RGS7: variants seen among roughly 807,000 people sequenced by gnomAD.
RGS7 encodes the protein regulator of G-protein signaling 7.
RGS7 carries 27 observed loss-of-function variants against 81.1 expected under a neutral mutation model. The observed-to-expected ratio is 0.33, with a 90% CI of 0.25 to 0.46. The LOEUF is 0.46. RGS7 is among the 20% of genes least tolerant of loss of function. RGS7 has a pLI of 1.00. For synonymous variants in RGS7, 208 were observed against 207.7 expected (o/e 1.00, Z -0.01); for missense variants, 396 against 607.4 (o/e 0.65, Z 3.66).
At chr1:241,053,277 C>T (rs1037255453) in intron 3 of RGS7, among the ~76,000 whole-genome samples, 1 of 152,140 alleles carries the variant, frequency 6.6e-6, no homozygotes, top group Non-Finnish European at 1.5e-5. Context: ...AGAGGTTATT[C>T]TGAACAGACA....
chr1:240,991,516 T>C (rs1254721905), intron 3 of RGS7, among the ~76,000 whole-genome samples: 1 of 152,158 alleles, frequency 6.6e-6, no homozygotes, highest in African/African-American at 2.4e-5. Context: ...GTGTGGGAAA[T>C]GCGGAGTTAA....
At chr1:241,246,242 G>A (rs2076535220) in intron 2 of RGS7, among the ~76,000 whole-genome samples, 1 of 152,124 alleles carries the variant, frequency 6.6e-6, no homozygotes, top group African/African-American at 2.4e-5. Context: ...AAGGTATGTA[G>A]GCCACAGAGT....
At chr1:240,811,193 A>C (rs1239738793) in intron 14 of RGS7, among the ~76,000 whole-genome samples, 1 of 152,242 alleles carries the variant, frequency 6.6e-6, no homozygotes, top group African/African-American at 2.4e-5. Context: ...AGAATAATGA[A>C]TGAAAGAACT....
At chr1:241,336,568 A>G (rs61135416) in intron 2 of RGS7, among the ~76,000 whole-genome samples, 7,493 of 152,240 alleles carry the variant, frequency 0.049, 489 homozygotes, top group African/African-American at 0.15. Flanking sequence ...GCTGTAACTC[A>G]TGCTTCCTCC....
intron 3 of RGS7, among the ~76,000 whole-genome samples, chr1:241,023,935 G>A (rs1334772217): frequency 1.3e-5 from 2 of 152,020 alleles, no homozygotes; most frequent in East Asian, 3.9e-4. Context: ...AGTAGAGAGG[G>A]GTTTCTCCAT....
chr1:241,189,833 A>T (rs907908979), intron 2 of RGS7, among the ~76,000 whole-genome samples: 1 of 152,156 alleles, frequency 6.6e-6, no homozygotes, highest in Non-Finnish European at 1.5e-5. Flanking sequence ...TCAATTGGTC[A>T]GGCTGGGCGC....
chr1:240,948,190 A>G (rs545984632), intron 4 of RGS7, among the ~76,000 whole-genome samples: 1 of 152,230 alleles, frequency 6.6e-6, no homozygotes, highest in African/African-American at 2.4e-5. Context: ...TTTTTTATTG[A>G]TTATTATCTT....
intron 3 of RGS7, among the ~76,000 whole-genome samples, chr1:241,004,374 T>C (rs1295776523): frequency 1.3e-5 from 2 of 151,998 alleles, no homozygotes; most frequent in Non-Finnish European, 2.9e-5. Flanking sequence ...TGGAGAGACA[T>C]GGTAAAAAGA....
chr1:240,822,331 A>T (rs895708358), intron 10 of RGS7, among the ~76,000 whole-genome samples: 5 of 152,234 alleles, frequency 3.3e-5, no homozygotes, highest in African/African-American at 4.8e-5. Context: ...TACTGTATTA[A>T]AAAACAACAA....
rs144688911 is a variant in RGS7, at chr1:240,812,887, T to C, written c.956+731A>G. Reference sequence around the variant, plus strand: ...CCAACTGAGTCACAACATTTTGGGGTTCCAGCTTTCTCATCTATAAAATCT... The same window carrying C: ...CCAACTGAGTCACAACATTTTGGGGCTCCAGCTTTCTCATCTATAAAATCT... On this transcript the variant is annotated intron_variant, in intron 13 of 18. Transcript: ENST00000440928. 1.0e-2 allele frequency among the ~76,000 whole-genome samples: 1,517 copies of C among 152,304 alleles called. 21 individuals are homozygous for C. Among genetic ancestry groups the C allele is most frequent in the African/African-American group, 0.035 (1,436 of 41,562 alleles).
chr1:240,887,717 T>A (rs1039130098), intron 6 of RGS7, among the ~76,000 whole-genome samples: 17 of 152,350 alleles, frequency 1.1e-4, no homozygotes, highest in East Asian at 3.9e-4. Flanking sequence ...AATATTTTTT[T>A]AAATTATCTC....
At chr1:241,226,906 C>T (rs1407866866) in intron 2 of RGS7, among the ~76,000 whole-genome samples, 1 of 152,158 alleles carries the variant, frequency 6.6e-6, no homozygotes, top group Admixed American at 6.5e-5. Context: ...AATAGGTACT[C>T]CCCTCTTTTT....
At chr1:240,910,300 C>A (rs991897087) in intron 6 of RGS7, among the ~76,000 whole-genome samples, 1 of 152,096 alleles carries the variant, frequency 6.6e-6, no homozygotes, top group Non-Finnish European at 1.5e-5. Context: ...GCCCTTGAAA[C>A]CGGAAGACAT....
intron 3 of RGS7, among the ~76,000 whole-genome samples, chr1:241,021,692 C>T (rs1226437915): frequency 2.0e-5 from 3 of 152,138 alleles, no homozygotes; most frequent in East Asian, 1.9e-4. Context: ...GAATCTAATG[C>T]CTTTCCTTTA....
intron 2 of RGS7, among the ~76,000 whole-genome samples, chr1:241,142,624 A>C (rs1381062966): frequency 2.0e-5 from 3 of 152,188 alleles, no homozygotes; most frequent in Non-Finnish European, 2.9e-5. Context: ...TGCAGACAGC[A>C]TGGGAATCCT....
chr1:241,212,070 A>G (rs1424155583), intron 2 of RGS7, among the ~76,000 whole-genome samples: 1 of 151,578 alleles, frequency 6.6e-6, no homozygotes, highest in African/African-American at 2.4e-5. Flanking sequence ...GTATTCATTT[A>G]TTATACATGT....
chr1:241,110,007 A>G (rs1193237261), intron 2 of RGS7, among the ~76,000 whole-genome samples: 1 of 152,162 alleles, frequency 6.6e-6, no homozygotes, highest in Non-Finnish European at 1.5e-5. Context: ...TAATAGTATT[A>G]AAATATTAAA....
rs1353360444 is a variant in RGS7, at chr1:241,355,835, G to T, written c.-50-9C>A. On this transcript the variant is annotated splice_polypyrimidine_tract_variant and intron_variant, in intron 1 of 18. Coordinates refer to ENST00000440928, the MANE Select transcript of RGS7 (RefSeq NM_001364886.1). ...AGAATTATCAGTGTGCCCTGCAAAG[G>T]GTCAGAGAGACTTCAGTGAGATCCC... 2 of 1,438,324 alleles carry T rather than the reference G, an allele frequency of 1.4e-6. No homozygotes were observed. Among genetic ancestry groups the T allele is most frequent in the South Asian group, 1.1e-5 (1 of 87,406 alleles). 89.1% of individuals were successfully genotyped at this position (1,438,324 alleles called of 1,614,324 possible). A position where few individuals can be genotyped will look rare whatever the true frequency, so the allele number is the denominator to read the frequency against.
At chr1:240,778,296 A>T (rs1466959234) in intron 18 of RGS7, among the ~76,000 whole-genome samples, 1 of 152,238 alleles carries the variant, frequency 6.6e-6, no homozygotes, top group Non-Finnish European at 1.5e-5. Flanking sequence ...GATCACAAAT[A>T]TTCAGTTCAT....
Sources: gnomAD v4.1 joint callset for allele counts (sites outside exome capture counted in the v4.1 genomes callset) on GRCh38, gnomAD v4.1.1 for gene constraint, MANE v1.5 for transcripts, NCBI Gene and HGNC (gene_info 2026-07-23, HGNC 2026-07-21) for gene names.